MDFI: variants seen among roughly 807,000 people sequenced by gnomAD.
MDFI encodes the protein MyoD family inhibitor.
Under a neutral mutation model 22.3 loss-of-function variants are expected in MDFI, and 16 were observed. The ratio of observed to expected loss-of-function variants is 0.72; its 90% CI spans 0.49 to 1.09. The LOEUF is 1.09. Among genes scored for constraint, MDFI ranks in the 50% least tolerant of loss-of-function variants. The pLI, the probability that MDFI is intolerant of heterozygous loss-of-function variation, is 0.00. For synonymous variants in MDFI, 145 were observed against 142.7 expected (o/e 1.02, Z -0.12); for missense variants, 314 against 326.1 (o/e 0.96, Z 0.29).
intron 2 of MDFI, among the ~76,000 whole-genome samples, chr6:41,645,498 C>T (rs1451153848): frequency 6.6e-6 from 1 of 152,160 alleles, no homozygotes; most frequent in Admixed American, 6.5e-5. Flanking sequence ...TCTGACTCCT[C>T]TATCATCATC....
Position 41,639,455 on chromosome 6 carries a change from T to C in MDFI, c.76+630T>C, listed in dbSNP as rs962927137. The C allele has an allele frequency of 8.1e-6, 8 of 985,334 alleles. No homozygotes were observed. The African/African-American group carries it at 1.4e-4, about 17-fold the overall frequency. The allele number at this position is 985,334 out of a possible 1,614,324, so 61.0% of individuals were successfully genotyped here. Reference sequence around the variant, plus strand: ...GCCCCGTCCCGCGCCTGGCGCCGTCTGTAACCTACCCGCGATTCCTGGGGG... The same window carrying C: ...GCCCCGTCCCGCGCCTGGCGCCGTCCGTAACCTACCCGCGATTCCTGGGGG... On this transcript the variant is annotated intron_variant, in intron 2 of 4. Transcript: ENST00000230321.
chr6:41,640,753 A>G (rs1485740778), intron 2 of MDFI, among the ~76,000 whole-genome samples: 1 of 152,008 alleles, frequency 6.6e-6, no homozygotes, highest in African/African-American at 2.4e-5. Flanking sequence ...GCACAAGGGG[A>G]CTCAGGGCAG....
intron 3 of MDFI, among the ~76,000 whole-genome samples, chr6:41,648,816 G>T (rs1365108356): frequency 6.6e-6 from 1 of 152,218 alleles, no homozygotes; most frequent in South Asian, 2.1e-4. Flanking sequence ...CCTGAGCGAG[G>T]AGCAGGAAGG....
chr6:41,638,946 G>A lies in MDFI; in HGVS notation c.76+121G>A. On this transcript the variant is annotated intron_variant, in intron 2 of 4. Coordinates refer to ENST00000230321, the MANE Select transcript of MDFI (RefSeq NM_005586.4). The surrounding 1 kb of genome is among the most constrained non-coding windows in gnomAD (Gnocchi z 7.6). ...GACCGTTCCAGGGAGCTTGGTGGGG[G>A]TAGGGACGAAAAGTCTGGGTTTGAG... 2.6e-6 allele frequency: 3 copies of A among 1,143,346 alleles called. No homozygotes were observed. Among genetic ancestry groups the A allele is most frequent in the Non-Finnish European group, 3.6e-6 (3 of 829,784 alleles). 70.8% of individuals were successfully genotyped at this position (1,143,346 alleles called of 1,614,324 possible). A position where few individuals can be genotyped will look rare whatever the true frequency, so the allele number is the denominator to read the frequency against.
chr6:41,646,087 C>T, intron 2 of MDFI, 39 bp from the exon 3 acceptor site: 1 of 1,421,746 alleles, frequency 7.0e-7, no homozygotes, highest in Non-Finnish European at 9.2e-7. Flanking sequence ...ACAGGAAGGC[C>T]CCAGGAAAAT....
intron 2 of MDFI, among the ~76,000 whole-genome samples, chr6:41,644,893 C>T (rs1428755245): frequency 6.6e-6 from 1 of 151,876 alleles, no homozygotes; most frequent in African/African-American, 2.4e-5. Context: ...TGCTGTTTCT[C>T]ATCATCTCCC....
At position 41,638,686 on chromosome 6, in the gene MDFI, G is replaced by A; in HGVS notation, c.-12+34G>A. ...ACGTGGGAGGCGCGCATCTGCGGGGGAATCGCCCCTTGCCCGCCTCCGGCG... is the reference window on the plus strand; with the variant it reads ...ACGTGGGAGGCGCGCATCTGCGGGGAAATCGCCCCTTGCCCGCCTCCGGCG... On this transcript the variant is annotated intron_variant, in intron 1 of 4. Coordinates refer to ENST00000230321, the MANE Select transcript of MDFI (RefSeq NM_005586.4). The surrounding 1 kb of genome is among the most constrained non-coding windows in gnomAD (Gnocchi z 7.6). 1 of 1,502,516 alleles carries A rather than the reference G, an allele frequency of 6.7e-7. No homozygotes were observed. The highest frequency in any genetic ancestry group is 2.5e-5 in the East Asian group (1 of 40,574). The allele number at this position is 1,502,516 out of a possible 1,614,324, so 93.1% of individuals were successfully genotyped here.
chr6:41,640,145 G>A (rs1399426007), intron 2 of MDFI, among the ~76,000 whole-genome samples: 1 of 152,174 alleles, frequency 6.6e-6, no homozygotes, highest in Non-Finnish European at 1.5e-5. Context: ...GGACAGCTGG[G>A]GGCAGGGCAC....
chr6:41,647,755 C>G (rs1768105194), intron 3 of MDFI, among the ~76,000 whole-genome samples: 1 of 152,104 alleles, frequency 6.6e-6, no homozygotes, highest in Non-Finnish European at 1.5e-5. Context: ...ATTGCGATGC[C>G]TAAAGAAGCT....
intron 2 of MDFI, 29 bp from the exon 3 acceptor site, chr6:41,646,097 T>C (rs751575818): frequency 2.1e-6 from 3 of 1,432,278 alleles, no homozygotes; most frequent in Admixed American, 5.5e-5. Flanking sequence ...CCCAGGAAAA[T>C]GGACCTCAGT....
At chr6:41,637,128 C>G (rs1008489518), upstream of MDFI, 1 of 152,140 alleles carries the variant, frequency 6.6e-6, no homozygotes, top group Non-Finnish European at 1.5e-5. The surrounding 1 kb of genome is among the most constrained non-coding windows in gnomAD (Gnocchi z 6.8). Flanking sequence ...GCGGAACACT[C>G]TCTTCTTGTC....
At position 41,643,866 on chromosome 6, in the gene MDFI, A is replaced by C. The variant is rs75085641; in HGVS notation, c.77-2260A>C. ...AACTCTGATAATTTGCCAGGCTGGTAACTGGTGAATGTAGGGCTTGGATCT... is the reference window on the plus strand; with the variant it reads ...AACTCTGATAATTTGCCAGGCTGGTCACTGGTGAATGTAGGGCTTGGATCT... On this transcript the variant is annotated intron_variant, in intron 2 of 4. Transcript: ENST00000230321. 7.5e-3 allele frequency among the ~76,000 whole-genome samples: 1,142 copies of C among 152,262 alleles called. 8 individuals carry two copies. The highest frequency in any genetic ancestry group is 0.025 in the African/African-American group (1,049 of 41,546).
intron 2 of MDFI, chr6:41,639,131 C>CA: frequency 1.7e-6 from 1 of 582,274 alleles, no homozygotes; most frequent in Non-Finnish European, 2.1e-6. Flanking sequence ...GGTGTCTGTC[C>CA]GTCTGGGATT....
chr6:41,637,550 T>C (rs931637768), upstream of MDFI, among the ~76,000 whole-genome samples: 65 of 151,864 alleles, frequency 4.3e-4, no homozygotes, highest in African/African-American at 1.1e-3. The surrounding 1 kb of genome is among the most constrained non-coding windows in gnomAD (Gnocchi z 6.8). Flanking sequence ...CAGCCCCACC[T>C]GGAGAGCCGC....
Position 41,638,898 on chromosome 6 carries a change from C to T in MDFI, c.76+73C>T. 1 of 1,435,450 alleles carries T rather than the reference C, an allele frequency of 7.0e-7. No individual in the cohort carries two copies. The allele number at this position is 1,435,450 out of a possible 1,614,324, so 88.9% of individuals were successfully genotyped here. A position where few individuals can be genotyped will look rare whatever the true frequency, so the allele number is the denominator to read the frequency against. On this transcript the variant is annotated intron_variant, in intron 2 of 4. Coordinates refer to ENST00000230321, the MANE Select transcript of MDFI (RefSeq NM_005586.4). The surrounding 1 kb of genome is among the most constrained non-coding windows in gnomAD (Gnocchi z 7.6). ...CTGAAGGGGCCAGTTATTAGTTCTC[C>T]TCTCCGTCCCCAGACGCGGGGAGAC... is the stretch of plus-strand genomic sequence containing the variant.
chr6:41,652,510 G>T (rs1342275116), intron 4 of MDFI, among the ~76,000 whole-genome samples: 1 of 152,122 alleles, frequency 6.6e-6, no homozygotes, highest in Non-Finnish European at 1.5e-5. Flanking sequence ...AGGTGGCAGT[G>T]GTCAAAGGGA....
At position 41,646,135 on chromosome 6, in the gene MDFI, T is replaced by C; in HGVS notation, c.86T>C (p.Leu29Pro). The C allele has an allele frequency of 6.5e-7, 1 of 1,528,074 alleles. No homozygotes were observed. The highest frequency in any genetic ancestry group is 1.3e-5 in the South Asian group (1 of 77,508). 94.7% of individuals were successfully genotyped at this position (1,528,074 alleles called of 1,614,324 possible). A position where few individuals can be genotyped will look rare whatever the true frequency, so the allele number is the denominator to read the frequency against. The part of the protein sequence containing the change: ...PSAAPGPAQT[L>P]SLLPGLEVVT... ...TCTGCTTTTTTCCTAGCCCAGACCC[T>C]ATCCCTCCTTCCTGGGCTGGAGGTA... The change falls in exon 3 of 5, where the codon CTA becomes CCA. Residue 29 changes from leucine (L) to proline (P), a missense_variant. By Grantham distance (98) the Leu-to-Pro change is moderately conservative. Transcript: ENST00000230321.
chr6:41,651,458 T>G (rs1768269819), intron 4 of MDFI, among the ~76,000 whole-genome samples: 1 of 130,732 alleles, frequency 7.6e-6, no homozygotes, highest in Admixed American at 7.3e-5. Flanking sequence ...CGCACAGAGC[T>G]GAGAAATGGC....
At chr6:41,648,303 C>G (rs1242004702) in intron 3 of MDFI, among the ~76,000 whole-genome samples, 1 of 152,150 alleles carries the variant, frequency 6.6e-6, no homozygotes, top group Non-Finnish European at 1.5e-5. Context: ...TGACCTTGGG[C>G]AACTTACTGT....
Sources: allele counts gnomAD v4.1 joint callset (sites outside exome capture counted in the v4.1 genomes callset), GRCh38; gene constraint gnomAD v4.1.1; non-coding constraint Gnocchi (gnomAD v3.1); transcripts MANE v1.5; gene names NCBI Gene and HGNC (gene_info 2026-07-23, HGNC 2026-07-21).